ULK1: variants seen among roughly 807,000 people sequenced by gnomAD.
ULK1 encodes serine/threonine-protein kinase ULK1.
ULK1 carries 48 observed loss-of-function variants against 117.5 expected under a neutral mutation model. The ratio of observed to expected loss-of-function variants is 0.41; its 90% CI spans 0.32 to 0.52. The LOEUF is 0.52. ULK1 is among the 20% of genes least tolerant of loss of function. The pLI is 0.29. For synonymous variants in ULK1, 790 were observed against 637.8 expected (o/e 1.24, Z -3.60); for missense variants, 1,387 against 1,473.4 (o/e 0.94, Z 0.96).
rs367963670 is a variant in ULK1, at chr12:131,915,938, C to T, written c.1657C>T (p.Arg553Cys). The change falls in exon 19 of 28, where the codon CGC becomes TGC. Residue 553 changes from arginine to cysteine, a missense_variant. Transcript: ENST00000321867. ...HSPRTSGLGC[R>C]LHSAPNLSDL... ...TCCCCGCACTTCCGGGCTGGGCTGCCGCCTGCACAGCGCCCCCAACCTGTC... is the reference window on the plus strand; with the variant it reads ...TCCCCGCACTTCCGGGCTGGGCTGCTGCCTGCACAGCGCCCCCAACCTGTC... 1.2e-4 allele frequency: 199 copies of T among 1,612,332 alleles called. No homozygotes were observed. Among genetic ancestry groups the T allele is most frequent in the South Asian group, 6.7e-4 (61 of 91,090 alleles).
At chr12:131,905,624 A>G (rs1456855296) in intron 3 of ULK1, among the ~76,000 whole-genome samples, 2 of 152,090 alleles carry the variant, frequency 1.3e-5, no homozygotes, top group African/African-American at 2.4e-5. Context: ...TCTGAGGCCT[A>G]GAGTCAGGTG....
rs1323905877 is a variant in ULK1 at position 131,916,496 on chromosome 12, G to A, written c.1977G>A (p.Arg659=). 7 of 1,611,840 alleles carry A rather than the reference G, an allele frequency of 4.3e-6. No individual in the cohort carries two copies. Among genetic ancestry groups the A allele is most frequent in the East Asian group, 2.2e-5 (1 of 44,810 alleles). ...QGVVMTPPRN[R]TLPDLSEVGP... ...TGGTGATGACGCCCCCTCGAAACCG[G>A]ACGCTGCCCGACCTCTCGGAGGTGG... The change falls in exon 20 of 28, where the codon CGG becomes CGA. Residue 659 remains arginine, a synonymous_variant. Transcript: ENST00000321867.
intron 8 of ULK1, among the ~76,000 whole-genome samples, chr12:131,909,542 G>A (rs975089097): frequency 6.6e-6 from 1 of 152,196 alleles, no homozygotes; most frequent in African/African-American, 2.4e-5. Flanking sequence ...GGCCGAGTGG[G>A]TGAGGGCTGG....
rs374582971 is a variant in ULK1, at chr12:131,907,524, C to T, written c.309C>T (p.Tyr103=). 6.3e-5 allele frequency: 101 copies of T among 1,612,014 alleles called. No homozygotes were observed. Among genetic ancestry groups the T allele is most frequent in the Non-Finnish European group, 8.3e-5 (98 of 1,179,688 alleles). ...EYCNGGDLAD[Y]LHAMRTLSED... ...GCAACGGTGGGGACCTGGCCGACTA[C>T]CTGCACGGTGAGTGCACAGCTGCGC... Residue 103 remains tyrosine (Y), a synonymous_variant, in exon 5 of 28, where the codon TAC becomes TAT. Transcript: ENST00000321867.
At position 131,910,762 on chromosome 12, in the gene ULK1, T is replaced by G. The variant is rs772742263; in HGVS notation, c.910T>G (p.Ser304Ala). ...SYPSSGSGSS[S>A]SSSSTSHLAS... ...CCCAAGCTCGGGGTCCGGCAGCAGC[T>G]CCAGCAGCAGCTCCACCTCCCACCT... The change falls in exon 12 of 28, where the codon TCC becomes GCC. Residue 304 changes from serine (S) to alanine (A), a missense_variant. Transcript: ENST00000321867. The G allele has an allele frequency of 1.2e-6, 2 of 1,612,498 alleles. No individual in the cohort carries two copies. The highest frequency in any genetic ancestry group is 1.7e-6 in the Non-Finnish European group (2 of 1,179,862).
Position 131,908,950 on chromosome 12 carries a change from C to A in ULK1, c.543C>A (p.Leu181=). Residue 181 remains leucine (L), a synonymous_variant, in exon 7 of 28, where the codon CTC becomes CTA. Coordinates refer to ENST00000321867, the MANE Select transcript of ULK1 (RefSeq NM_003565.4). ...AGAGCAACATGATGGCGGCCACACT[C>A]TGCGGCTCCCCCATGTACATGGTGT... is the stretch of plus-strand genomic sequence containing the variant. ...YLQSNMMAAT[L]CGSPMYMAPE... is the part of the protein sequence containing the mutation. 1.2e-6 allele frequency: 2 copies of A among 1,612,800 alleles called. No homozygotes were observed. Among genetic ancestry groups the A allele is most frequent in the African/African-American group, 2.7e-5 (2 of 75,044 alleles).
intron 26 of ULK1, chr12:131,920,772 A>G (rs1036070121): frequency 1.1e-5 from 4 of 347,958 alleles, no homozygotes; most frequent in Non-Finnish European, 2.1e-5. Flanking sequence ...CTGAACAAAC[A>G]TGGGAAAAGT....
Position 131,917,474 on chromosome 12 carries a change from C to T in ULK1, c.2246C>T (p.Pro749Leu). The T allele has an allele frequency of 3.3e-6, 5 of 1,524,280 alleles. No homozygotes were observed. Among genetic ancestry groups the T allele is most frequent in the Non-Finnish European group, 4.4e-6 (5 of 1,136,570 alleles). The allele number at this position is 1,524,280 out of a possible 1,614,324, so 94.4% of individuals were successfully genotyped here. The change falls in exon 22 of 28, where the codon CCT becomes CTT. Residue 749 changes from proline to leucine, a missense_variant. Pro to Leu is a moderately conservative substitution (Grantham distance 98). Around this residue, in one of 4 missense-constraint regions of ULK1, gnomAD observed 900 missense variants for 858.9 expected, o/e 1.05. Transcript: ENST00000321867. ...GCCCGTGCTGGGGGCACCAGCAGCCCTTCCCCGGTGGTCTTCACCGTGGGC... is the reference window on the plus strand; with the variant it reads ...GCCCGTGCTGGGGGCACCAGCAGCCTTTCCCCGGTGGTCTTCACCGTGGGC... The part of the protein sequence containing the change: ...PGARAGGTSS[P>L]SPVVFTVGSP...
intron 3 of ULK1, among the ~76,000 whole-genome samples, chr12:131,904,959 C>G (rs909738132): frequency 3.9e-5 from 6 of 152,138 alleles, no homozygotes; most frequent in African/African-American, 1.4e-4. Flanking sequence ...GATTGTTTCT[C>G]CCCACAGCTG....
At chr12:131,905,807 C>A (rs1387153609) in intron 3 of ULK1, among the ~76,000 whole-genome samples, 1 of 152,110 alleles carries the variant, frequency 6.6e-6, no homozygotes, top group African/African-American at 2.4e-5. Flanking sequence ...CGCATGCTGG[C>A]CGTTGGGGTG....
At chr12:131,911,544 C>G (rs764347303) in intron 12 of ULK1, among the ~76,000 whole-genome samples, 1 of 152,208 alleles carries the variant, frequency 6.6e-6, no homozygotes, top group Admixed American at 6.5e-5. Context: ...CAGGGCCCAC[C>G]GGGGTGGCAG....
intron 18 of ULK1, 115 bp from the exon 19 acceptor site, chr12:131,915,776 G>A (rs1339254129): frequency 2.1e-6 from 3 of 1,438,368 alleles, no homozygotes; most frequent in Non-Finnish European, 2.8e-6. Context: ...CTCAACAAAA[G>A]AAAAAGAGTG....
At chr12:131,911,016 C>T (rs749545110) in intron 12 of ULK1, among the ~76,000 whole-genome samples, 4 of 152,304 alleles carry the variant, frequency 2.6e-5, no homozygotes, top group East Asian at 1.9e-4. Flanking sequence ...GCCGATAGGG[C>T]GGCTGTTTGG....
rs1186920759 is a variant in ULK1 at position 131,903,966 on chromosome 12, C to T, written c.247-2926C>T. ...GCCAGGGGTCTAGACGTGTCAGTAGCGAGGTGGGTTCCAGCACCCATGAGG... is the reference window on the plus strand; with the variant it reads ...GCCAGGGGTCTAGACGTGTCAGTAGTGAGGTGGGTTCCAGCACCCATGAGG... On this transcript the variant is annotated intron_variant, in intron 3 of 27. Coordinates refer to ENST00000321867, the MANE Select transcript of ULK1 (RefSeq NM_003565.4). This position sits in a 1 kb window ranked among gnomAD's most constrained non-coding sequence, Gnocchi z 6.0. 6.6e-6 allele frequency among the ~76,000 whole-genome samples: 1 copy of T among 152,000 alleles called. No individual in the cohort carries two copies.
At chr12:131,911,797 A>G (rs1187164715) in intron 12 of ULK1, 145 bp from the exon 13 acceptor site, 3 of 1,132,766 alleles carry the variant, frequency 2.6e-6, no homozygotes, top group South Asian at 2.8e-5. Flanking sequence ...AGAGCGGAGC[A>G]CAGGAAGAAA....
chr12:131,916,634 G>T, intron 20 of ULK1, 43 bp downstream of exon 20: 1 of 1,495,136 alleles, frequency 6.7e-7, no homozygotes, highest in Non-Finnish European at 8.9e-7. Context: ...CTGAGGGGCA[G>T]CCTCTTTCCC....
intron 3 of ULK1, chr12:131,898,205 G>A (rs769183455): frequency 6.6e-6 from 1 of 152,214 alleles, no homozygotes; most frequent in African/African-American, 2.4e-5. Context: ...CCTGTTGCCC[G>A]AGATTCCATA....
chr12:131,921,458 C>A lies in ULK1; in HGVS notation c.*97C>A. ...CTCGGGACAAGCCCATGGCGCTGATCGCTGGTGCTGAGCCCTGCCCTGGGC... is the reference window on the plus strand; with the variant it reads ...CTCGGGACAAGCCCATGGCGCTGATAGCTGGTGCTGAGCCCTGCCCTGGGC... On this transcript the variant is annotated 3_prime_UTR_variant, in exon 28 of 28. Transcript: ENST00000321867. 3 of 1,560,104 alleles carry A rather than the reference C, an allele frequency of 1.9e-6. No individual in the cohort carries two copies. Among genetic ancestry groups the A allele is most frequent in the South Asian group, 2.2e-5 (2 of 89,680 alleles).
chr12:131,913,141 G>T (rs1177106591), intron 13 of ULK1, 57 bp from the exon 14 acceptor site: 3 of 1,482,986 alleles, frequency 2.0e-6, no homozygotes, highest in Non-Finnish European at 2.7e-6. Flanking sequence ...TCGGTGGGGT[G>T]GGGTGGCCCT....
Sources: gnomAD v4.1 joint callset for allele counts (sites outside exome capture counted in the v4.1 genomes callset) on GRCh38, gnomAD v4.1.1 for gene constraint, gnomAD v4.1.1 regional missense constraint, Gnocchi (gnomAD v3.1) non-coding constraint, MANE v1.5 for transcripts, NCBI Gene and HGNC (gene_info 2026-07-23, HGNC 2026-07-21) for gene names.